DNAJC1: variants seen among roughly 807,000 people sequenced by gnomAD.
DNAJC1 encodes the protein dnaJ homolog subfamily C member 1.
Under a neutral mutation model 76.6 loss-of-function variants are expected in DNAJC1, and 58 were observed. That is an observed-to-expected ratio of 0.76 (90% CI 0.61 to 0.94). The LOEUF (loss-of-function observed/expected upper bound fraction) is 0.94. DNAJC1 is among the 40% of genes least tolerant of loss of function. The probability of loss-of-function intolerance (pLI) is 0.00; values close to 1 mark genes in which losing one functional copy is unlikely to be tolerated. For missense variants in DNAJC1, 689 were observed against 677.3 expected, an observed-to-expected ratio of 1.02 and a Z score of -0.19; for synonymous variants, 258 against 267.9, an observed-to-expected ratio of 0.96 and a Z score of 0.36.
rs1259214116 is a variant in DNAJC1 at position 21,922,632 on chromosome 10, T to C, written c.372-1669A>G. On this transcript the variant is annotated intron_variant, in intron 3 of 11. Coordinates refer to ENST00000376980, the MANE Select transcript of DNAJC1 (RefSeq NM_022365.4). Reference sequence around the variant, plus strand: ...TCATTCATGTTATCAAAAATTTATGTTTAAATCTATCTTATAAATACTGAT... The same window carrying C: ...TCATTCATGTTATCAAAAATTTATGCTTAAATCTATCTTATAAATACTGAT... Among the ~76,000 whole-genome samples, 9 of 151,996 alleles carry C rather than the reference T, an allele frequency of 5.9e-5. No individual in the cohort carries two copies. The East Asian group carries it at 1.7e-3, about 29-fold the overall frequency.
At chr10:21,947,183 T>C (rs1329039434) in intron 1 of DNAJC1, among the ~76,000 whole-genome samples, 2 of 152,218 alleles carry the variant, frequency 1.3e-5, no homozygotes, top group East Asian at 3.8e-4. Flanking sequence ...CAAAATGTCC[T>C]GTGCATGATG....
At chr10:21,787,525 G>A (rs1188646579) in intron 9 of DNAJC1, among the ~76,000 whole-genome samples, 2 of 152,108 alleles carry the variant, frequency 1.3e-5, no homozygotes, top group African/African-American at 4.8e-5. Context: ...CAAAAACAAT[G>A]AATAAACCAC....
chr10:21,819,558 T>C (rs1835124076), intron 8 of DNAJC1, among the ~76,000 whole-genome samples: 1 of 152,198 alleles, frequency 6.6e-6, no homozygotes, highest in Admixed American at 6.5e-5. Flanking sequence ...TAGAAGTTAT[T>C]TAATCTCTTA....
At chr10:21,941,247 C>T (rs980180437) in intron 1 of DNAJC1, among the ~76,000 whole-genome samples, 3 of 117,586 alleles carry the variant, frequency 2.6e-5, no homozygotes, top group African/African-American at 3.3e-5. Context: ...CCAGCCTGGG[C>T]GACAGAGCAA....
At chr10:21,985,451 G>C (rs1309597234) in intron 1 of DNAJC1, among the ~76,000 whole-genome samples, 2 of 152,020 alleles carry the variant, frequency 1.3e-5, no homozygotes, top group Non-Finnish European at 2.9e-5. Context: ...GTTTCACCAT[G>C]TTGGCCAGGC....
chr10:21,824,917 G>A (rs1261185550), intron 8 of DNAJC1, among the ~76,000 whole-genome samples: 1 of 152,034 alleles, frequency 6.6e-6, no homozygotes, highest in South Asian at 2.1e-4. Flanking sequence ...TGGGATTATA[G>A]GTGCCCACCA....
chr10:21,793,021 T>A (rs980731941), intron 9 of DNAJC1, among the ~76,000 whole-genome samples: 3 of 152,042 alleles, frequency 2.0e-5, no homozygotes, highest in Admixed American at 6.5e-5. Flanking sequence ...AAAGCTTCTA[T>A]GAGCCTGGGC....
chr10:21,910,977 A>G (rs1291614854), intron 6 of DNAJC1, among the ~76,000 whole-genome samples: 1 of 146,948 alleles, frequency 6.8e-6, no homozygotes, highest in African/African-American at 2.5e-5. Context: ...AGAGGGGGGG[A>G]AGAGAGAAAG....
chr10:21,984,263 C>T (rs537967673), intron 1 of DNAJC1, among the ~76,000 whole-genome samples: 70 of 152,200 alleles, frequency 4.6e-4, no homozygotes, highest in African/African-American at 1.5e-3. Flanking sequence ...CCCCAAATAA[C>T]AGCTTAAAAA....
intron 7 of DNAJC1, among the ~76,000 whole-genome samples, chr10:21,896,112 G>A (rs768080164): frequency 6.6e-5 from 10 of 152,172 alleles, no homozygotes; most frequent in African/African-American, 9.7e-5. Flanking sequence ...CCACAAAGGT[G>A]GGGCTGCTAG....
intron 7 of DNAJC1, among the ~76,000 whole-genome samples, chr10:21,890,357 G>A (rs1836441909): frequency 6.7e-6 from 1 of 149,124 alleles, no homozygotes; most frequent in Non-Finnish European, 1.5e-5. Context: ...AGGTTGCAGT[G>A]AGCCAAGATC....
chr10:21,901,045 T>C (rs1373596008), intron 7 of DNAJC1, among the ~76,000 whole-genome samples: 2 of 152,216 alleles, frequency 1.3e-5, no homozygotes, highest in Non-Finnish European at 2.9e-5. Context: ...TCTCGCTAAG[T>C]GCTTCATCCT....
chr10:21,861,010 T>C (rs539361578), intron 8 of DNAJC1: 1 of 152,098 alleles, frequency 6.6e-6, no homozygotes, highest in Admixed American at 6.5e-5. Flanking sequence ...GTTCTACAGA[T>C]AAAAACTCCA....
At chr10:21,803,254 T>C (rs1179949253) in intron 9 of DNAJC1, among the ~76,000 whole-genome samples, 1 of 152,068 alleles carries the variant, frequency 6.6e-6, no homozygotes, top group Non-Finnish European at 1.5e-5. Context: ...AGCCTGAAGC[T>C]ACAAATTTGG....
intron 1 of DNAJC1, among the ~76,000 whole-genome samples, chr10:21,964,227 T>G (rs1273949547): frequency 6.6e-6 from 1 of 152,154 alleles, no homozygotes; most frequent in Non-Finnish European, 1.5e-5. Context: ...ATTATTTTAT[T>G]TTTTTTAGAC....
chr10:21,822,371 G>A (rs1373059140), intron 8 of DNAJC1, among the ~76,000 whole-genome samples: 1 of 151,912 alleles, frequency 6.6e-6, no homozygotes, highest in African/African-American at 2.4e-5. Context: ...CCCAGGAGGC[G>A]GAGGTTGCAG....
At chr10:21,848,535 T>C (rs1174163802) in intron 8 of DNAJC1, among the ~76,000 whole-genome samples, 2 of 152,194 alleles carry the variant, frequency 1.3e-5, no homozygotes, top group Non-Finnish European at 2.9e-5. Context: ...TGTCCTGAAG[T>C]ATTTCCCCAA....
In DNAJC1 at chr10:21,759,373, C is replaced by T. The variant is rs1834213742; in HGVS notation, c.1393G>A (p.Ala465Thr). ...AKPEPEEKSRAKRQKDFDIAE... is the reference protein window; with the variant it reads ...AKPEPEEKSRTKRQKDFDIAE... ...ATGTCAAAGTCCTTCTGCCGCTTGGCTCTGGACTTCTCCTCTGGCTCCGGC... is the reference window on the plus strand; with the variant it reads ...ATGTCAAAGTCCTTCTGCCGCTTGGTTCTGGACTTCTCCTCTGGCTCCGGC... The change falls in exon 11 of 12, where the codon GCC becomes ACC. Residue 465 changes from alanine (A) to threonine (T), a missense_variant. Coordinates refer to ENST00000376980, the MANE Select transcript of DNAJC1 (RefSeq NM_022365.4). 1 of 1,614,110 alleles carries T rather than the reference C, an allele frequency of 6.2e-7. No individual in the cohort carries two copies. The highest frequency in any genetic ancestry group is 8.5e-7 in the Non-Finnish European group (1 of 1,180,054).
chr10:21,786,998 T>C (rs530617398), intron 9 of DNAJC1, among the ~76,000 whole-genome samples: 1 of 152,282 alleles, frequency 6.6e-6, no homozygotes, highest in South Asian at 2.1e-4. Context: ...GATATATTCC[T>C]AGAAAAATCT....
Sources: allele counts gnomAD v4.1 joint callset (sites outside exome capture counted in the v4.1 genomes callset), GRCh38; gene constraint gnomAD v4.1.1; transcripts MANE v1.5; gene names NCBI Gene and HGNC (gene_info 2026-07-23, HGNC 2026-07-21).